GMDS: variants seen among roughly 807,000 people sequenced by gnomAD.
The protein encoded by GMDS is GDP-mannose 4,6 dehydratase.
Under a neutral mutation model 49.9 loss-of-function variants are expected in GMDS, and 20 were observed. The observed-to-expected ratio is 0.40, with a 90% confidence interval of 0.28 to 0.58. The LOEUF (loss-of-function observed/expected upper bound fraction) is 0.58, where lower values mean the gene tolerates loss of function less well. Ranked by LOEUF, GMDS falls within the 20% of genes least tolerant of loss-of-function variation. The pLI is 0.42. For missense variants in GMDS, 362 were observed against 481.4 expected (o/e 0.75, Z 2.32); for synonymous variants, 177 against 178.6 (o/e 0.99, Z 0.07).
At chr6:2,126,717 C>T (rs1217555133) in intron 1 of GMDS, among the ~76,000 whole-genome samples, 1 of 152,138 alleles carries the variant, frequency 6.6e-6, no homozygotes, top group Non-Finnish European at 1.5e-5. Flanking sequence ...TCACTGCAAC[C>T]TCTGCCTCCG....
chr6:2,225,729 G>A (rs959480698), intron 1 of GMDS, among the ~76,000 whole-genome samples: 2 of 152,160 alleles, frequency 1.3e-5, no homozygotes, highest in African/African-American at 4.8e-5. Context: ...AAATCCTAAC[G>A]TACAGTAGAA....
At chr6:1,755,574 G>A (rs567618353) in intron 7 of GMDS, among the ~76,000 whole-genome samples, 1 of 152,096 alleles carries the variant, frequency 6.6e-6, no homozygotes, top group South Asian at 2.1e-4. Flanking sequence ...CAAGACAATC[G>A]TCAGCAAAAA....
At chr6:2,170,973 C>A (rs1777976598) in intron 1 of GMDS, among the ~76,000 whole-genome samples, 2 of 151,160 alleles carry the variant, frequency 1.3e-5, no homozygotes, top group Admixed American at 6.6e-5. Flanking sequence ...CCAGCCTGGG[C>A]AAAAGAGTGA....
chr6:1,677,144 G>C (rs1009454191), intron 9 of GMDS, among the ~76,000 whole-genome samples: 24 of 152,184 alleles, frequency 1.6e-4, no homozygotes, highest in Non-Finnish European at 2.8e-4. Context: ...CTTCTCAAAA[G>C]AAGATATTTA....
intron 4 of GMDS, among the ~76,000 whole-genome samples, chr6:2,110,356 G>A (rs1363851652): frequency 6.6e-6 from 1 of 151,886 alleles, no homozygotes; most frequent in Non-Finnish European, 1.5e-5. Context: ...TGTCACTGGA[G>A]ATGACAGTTC....
At chr6:1,967,617 T>A (rs1293952295) in intron 4 of GMDS, among the ~76,000 whole-genome samples, 3 of 152,200 alleles carry the variant, frequency 2.0e-5, no homozygotes, top group Non-Finnish European at 1.5e-5. Context: ...AGAAGAAGAA[T>A]CTTAGACATA....
intron 4 of GMDS, among the ~76,000 whole-genome samples, chr6:2,096,738 AC>A (rs1773624808): frequency 6.6e-6 from 1 of 152,202 alleles, no homozygotes; most frequent in South Asian, 2.1e-4. Flanking sequence ...AACCTATTTG[AC>A]CTATGCCAAA....
chr6:1,733,592 G>A lies in GMDS; in HGVS notation c.891-7080C>T, dbSNP rs146689696. Among the ~76,000 whole-genome samples the A allele has an allele frequency of 5.4e-3, 829 of 152,320 alleles. 2 individuals carry two copies. Among genetic ancestry groups the A allele is most frequent in the Non-Finnish European group, 7.7e-3 (521 of 68,032 alleles). ...AGTACTTTGGGAAGCCGAGGCAGGC[G>A]GATCACTTGAGGCCACGAGCTTGAG... On this transcript the variant is annotated intron_variant, in intron 8 of 10. Transcript: ENST00000380815.
chr6:1,800,356 T>C lies in GMDS; in HGVS notation c.772-57770A>G, dbSNP rs1769899678. Among the ~76,000 whole-genome samples, 4 of 152,336 alleles carry C rather than the reference T, an allele frequency of 2.6e-5. No individual in the cohort carries two copies. In the South Asian group the frequency reaches 8.3e-4, roughly 32 times the overall value. On this transcript the variant is annotated intron_variant, in intron 7 of 10. Coordinates refer to ENST00000380815, the MANE Select transcript of GMDS (RefSeq NM_001500.4). ...TTACTAATTTGTAAAAAGTGGATAG[T>C]AACACCAACCTTTCTCAGGAGGGTT...
At chr6:2,227,363 CA>C (rs1459656972) in intron 1 of GMDS, among the ~76,000 whole-genome samples, 1 of 152,148 alleles carries the variant, frequency 6.6e-6, no homozygotes, top group African/African-American at 2.4e-5. Flanking sequence ...ATAGAAGAGC[CA>C]AGAGTTATTC....
At chr6:1,667,630 T>C (rs943208702) in intron 9 of GMDS, among the ~76,000 whole-genome samples, 1 of 151,998 alleles carries the variant, frequency 6.6e-6, no homozygotes, top group Non-Finnish European at 1.5e-5. Context: ...AATGAAAAAT[T>C]GATGGTGACA....
chr6:2,130,870 G>A (rs185403477), intron 1 of GMDS, among the ~76,000 whole-genome samples: 8 of 152,162 alleles, frequency 5.3e-5, no homozygotes, highest in South Asian at 2.1e-4. Context: ...TGGTACAGAC[G>A]TGTTTTTTCA....
At chr6:2,084,364 A>G (rs532287344) in intron 4 of GMDS, among the ~76,000 whole-genome samples, 1 of 152,316 alleles carries the variant, frequency 6.6e-6, no homozygotes, top group Non-Finnish European at 1.5e-5. Context: ...GGTTGGACTC[A>G]CATTTGACAA....
chr6:1,647,290 G>A lies in GMDS; in HGVS notation c.988-22750C>T, dbSNP rs150297380. On this transcript the variant is annotated intron_variant, in intron 9 of 10. Coordinates refer to ENST00000380815, the MANE Select transcript of GMDS (RefSeq NM_001500.4). The stretch of plus-strand genomic sequence containing the variant: ...TTGCTGTGGAACGTAGGAAATGGAG[G>A]CTGCAGGGCATTCGGAGTTTCACTG... 9.3e-3 allele frequency among the ~76,000 whole-genome samples: 1,423 copies of A among 152,292 alleles called. 59 individuals are homozygous for A. Among genetic ancestry groups the A allele is most frequent in the Admixed American group, 0.065 (998 of 15,302 alleles).
intron 7 of GMDS, among the ~76,000 whole-genome samples, chr6:1,798,661 C>T (rs749726625): frequency 8.5e-5 from 13 of 152,154 alleles, no homozygotes; most frequent in Admixed American, 2.0e-4. Context: ...CTTCTCTTGG[C>T]GTATTACTTG....
At chr6:1,713,060 T>C (rs540397212) in intron 9 of GMDS, among the ~76,000 whole-genome samples, 63 of 152,294 alleles carry the variant, frequency 4.1e-4, no homozygotes, top group Admixed American at 9.8e-4. Flanking sequence ...CACAAGACTA[T>C]GTAGAATCCA....
At chr6:1,822,566 A>G (rs1444528640) in intron 7 of GMDS, among the ~76,000 whole-genome samples, 1 of 152,260 alleles carries the variant, frequency 6.6e-6, no homozygotes, top group Non-Finnish European at 1.5e-5. Flanking sequence ...TTTCTAGATT[A>G]GCAAAATTAG....
chr6:1,893,129 A>G (rs1229109171), intron 7 of GMDS, among the ~76,000 whole-genome samples: 1 of 151,978 alleles, frequency 6.6e-6, no homozygotes, highest in Non-Finnish European at 1.5e-5. Flanking sequence ...ATGGGGGCCC[A>G]GCTGGGAAGA....
intron 7 of GMDS, among the ~76,000 whole-genome samples, chr6:1,796,322 T>C (rs1769733571): frequency 6.6e-6 from 1 of 152,216 alleles, no homozygotes; most frequent in African/African-American, 2.4e-5. Flanking sequence ...TTTTTCAGTA[T>C]GATAGATCTT....
Sources: gnomAD v4.1 joint callset for allele counts (sites outside exome capture counted in the v4.1 genomes callset) on GRCh38, gnomAD v4.1.1 for gene constraint, MANE v1.5 for transcripts, NCBI Gene and HGNC (gene_info 2026-07-23, HGNC 2026-07-21) for gene names.